SPATA17: variants seen among roughly 807,000 people sequenced by gnomAD.
SPATA17 encodes the protein spermatogenesis associated 17.
SPATA17 carries 53 observed loss-of-function variants against 62.2 expected under a neutral mutation model. That is an observed-to-expected ratio of 0.85 (90% CI 0.68 to 1.07). SPATA17 has a LOEUF of 1.07. Ranked by LOEUF, SPATA17 falls within the 50% of genes least tolerant of loss-of-function variation. The pLI is 0.00. For missense variants in SPATA17, 466 were observed against 425.5 expected (o/e 1.10, Z -0.84); for synonymous variants, 146 against 146.8 (o/e 0.99, Z 0.04).
At chr1:217,845,868 A>G (rs1675512568) in intron 9 of SPATA17, among the ~76,000 whole-genome samples, 1 of 152,100 alleles carries the variant, frequency 6.6e-6, no homozygotes, top group African/African-American at 2.4e-5. Context: ...AGACATTAGT[A>G]GTAGTTGTTT....
intron 9 of SPATA17, among the ~76,000 whole-genome samples, chr1:217,855,360 C>T (rs1342813525): frequency 6.6e-6 from 1 of 152,106 alleles, no homozygotes; most frequent in Non-Finnish European, 1.5e-5. Context: ...CACTAACAGG[C>T]TACAGATCAT....
chr1:217,666,516 A>G (rs1338584410), intron 3 of SPATA17, among the ~76,000 whole-genome samples: 1 of 151,810 alleles, frequency 6.6e-6, no homozygotes, highest in East Asian at 1.9e-4. Context: ...TGCGGTTCAC[A>G]TTTACATGTG....
chr1:217,723,040 C>A (rs576003483), intron 5 of SPATA17, among the ~76,000 whole-genome samples: 1 of 152,180 alleles, frequency 6.6e-6, no homozygotes. Flanking sequence ...CCCAGAGAAT[C>A]TTCCACATAT....
chr1:217,840,154 T>C (rs1182879205), intron 9 of SPATA17, among the ~76,000 whole-genome samples: 1 of 152,152 alleles, frequency 6.6e-6, no homozygotes, highest in Non-Finnish European at 1.5e-5. Context: ...GACAGCTAGA[T>C]AAAACAAAGG....
intron 9 of SPATA17, among the ~76,000 whole-genome samples, chr1:217,822,269 T>C (rs764656748): frequency 6.6e-5 from 10 of 152,088 alleles, no homozygotes; most frequent in South Asian, 2.1e-4. Context: ...AATTTTATAA[T>C]AGGTAAAATT....
chr1:217,693,470 GT>G (rs1182133233), intron 5 of SPATA17, among the ~76,000 whole-genome samples: 2 of 138,912 alleles, frequency 1.4e-5, no homozygotes, highest in African/African-American at 5.4e-5. Context: ...TTTTTGAAGG[GT>G]TTTTTGTGTC....
intron 4 of SPATA17, among the ~76,000 whole-genome samples, chr1:217,680,125 G>C (rs1671044420): frequency 6.6e-6 from 1 of 152,090 alleles, no homozygotes; most frequent in South Asian, 2.1e-4. Context: ...GCTGATGACG[G>C]ATTTCCTGTC....
At chr1:217,656,546 ATATGTATG>A (rs34179742) in intron 3 of SPATA17, among the ~76,000 whole-genome samples, 65 of 150,620 alleles carry the variant, frequency 4.3e-4, no homozygotes, top group Middle Eastern at 3.4e-3. Flanking sequence ...TAGGTCTGAT[ATATGTATG>A]TATGTATGTA....
intron 6 of SPATA17, among the ~76,000 whole-genome samples, chr1:217,761,381 C>G (rs765798307): frequency 6.6e-6 from 1 of 152,190 alleles, no homozygotes; most frequent in African/African-American, 2.4e-5. Flanking sequence ...CCTTGCCACA[C>G]CTTATACACC....
intron 9 of SPATA17, among the ~76,000 whole-genome samples, chr1:217,852,656 T>A (rs1263696093): frequency 6.6e-6 from 1 of 152,130 alleles, no homozygotes; most frequent in East Asian, 1.9e-4. Flanking sequence ...CATTAACAGG[T>A]TTCAGATGTT....
At chr1:217,661,605 T>C (rs1470665610) in intron 3 of SPATA17, among the ~76,000 whole-genome samples, 1 of 152,184 alleles carries the variant, frequency 6.6e-6, no homozygotes, top group Non-Finnish European at 1.5e-5. Flanking sequence ...TGTTTTTGTT[T>C]TTCTTTTCAA....
At chr1:217,698,832 G>A (rs1003356113) in intron 5 of SPATA17, among the ~76,000 whole-genome samples, 2 of 152,124 alleles carry the variant, frequency 1.3e-5, no homozygotes, top group African/African-American at 4.8e-5. Context: ...TATCCCTTAT[G>A]TTGCCCTTTT....
intron 8 of SPATA17, among the ~76,000 whole-genome samples, chr1:217,784,143 C>A (rs912573090): frequency 9.9e-5 from 15 of 151,832 alleles, no homozygotes; most frequent in Admixed American, 8.5e-4. Flanking sequence ...CTGGTTAATG[C>A]ATTATTTTAT....
chr1:217,643,308 G>A (rs539187395), intron 1 of SPATA17, among the ~76,000 whole-genome samples: 14 of 152,102 alleles, frequency 9.2e-5, no homozygotes, highest in Non-Finnish European at 1.3e-4. Flanking sequence ...GACCCAGTGC[G>A]GGCTCTACCT....
At chr1:217,854,104 G>A (rs1032162667) in intron 9 of SPATA17, among the ~76,000 whole-genome samples, 12 of 152,120 alleles carry the variant, frequency 7.9e-5, no homozygotes, top group African/African-American at 2.4e-4. Flanking sequence ...CAGCTGGATT[G>A]GTTAGAGCTC....
At chr1:217,840,417 G>T (rs1675364248) in intron 9 of SPATA17, among the ~76,000 whole-genome samples, 1 of 152,086 alleles carries the variant, frequency 6.6e-6, no homozygotes, top group Non-Finnish European at 1.5e-5. Context: ...CTAGGATATT[G>T]ATATTATCAT....
chr1:217,851,728 A>G (rs1042671969), intron 9 of SPATA17, among the ~76,000 whole-genome samples: 2 of 152,202 alleles, frequency 1.3e-5, no homozygotes, highest in Admixed American at 6.5e-5. Flanking sequence ...GAGTAAACTA[A>G]TAAGTAGAAA....
intron 5 of SPATA17, among the ~76,000 whole-genome samples, chr1:217,733,677 T>G (rs1249201553): frequency 6.6e-6 from 1 of 152,198 alleles, no homozygotes; most frequent in Non-Finnish European, 1.5e-5. Flanking sequence ...GTGTTAATTC[T>G]CTACATGATA....
chr1:217,855,729 A>ATTT (rs3081687), intron 9 of SPATA17, among the ~76,000 whole-genome samples: 18,459 of 128,652 alleles, frequency 0.14, 2,247 homozygotes, highest in African/African-American at 0.27. Context: ...AGAAGGAACT[A>ATTT]TTTTTTTTTT....
Sources: allele counts gnomAD v4.1 joint callset (sites outside exome capture counted in the v4.1 genomes callset), GRCh38; gene constraint gnomAD v4.1.1; transcripts MANE v1.5; gene names NCBI Gene and HGNC (gene_info 2026-07-23, HGNC 2026-07-21).